RMST: variants seen among roughly 807,000 people sequenced by gnomAD.
The protein encoded by RMST is long intergenic non-protein coding RNA 54.
intron 11 of RMST, among the ~76,000 whole-genome samples, chr12:97,539,667 C>A (rs192648945): frequency 6.6e-6 from 1 of 151,462 alleles, no homozygotes. Context: ...GAGATGCGAA[C>A]GTGTTTTGTG....
chr12:97,468,600 A>G (rs959496675), intron 5 of RMST, among the ~76,000 whole-genome samples: 5 of 152,050 alleles, frequency 3.3e-5, no homozygotes, highest in African/African-American at 1.2e-4. Context: ...ACTGAAGTAT[A>G]CTAGTAGGTT....
intron 10 of RMST, among the ~76,000 whole-genome samples, chr12:97,513,863 A>G (rs1307577509): frequency 6.6e-6 from 1 of 152,148 alleles, no homozygotes; most frequent in Non-Finnish European, 1.5e-5. Flanking sequence ...ATGTCCAGAA[A>G]AGAAAAGGGT....
At chr12:97,464,795 T>A (rs1289048443) in intron 4 of RMST, 2 of 152,202 alleles carry the variant, frequency 1.3e-5, no homozygotes, top group African/African-American at 4.8e-5. Flanking sequence ...TTGATTTATG[T>A]CCAAAATCGT....
intron 10 of RMST, among the ~76,000 whole-genome samples, chr12:97,510,214 T>C (rs1819269162): frequency 6.6e-6 from 1 of 152,224 alleles, no homozygotes; most frequent in South Asian, 2.1e-4. Flanking sequence ...GAAGCAAATG[T>C]AGGATTTTAG....
At chr12:97,512,882 C>T (rs569303721) in intron 10 of RMST, among the ~76,000 whole-genome samples, 2 of 151,902 alleles carry the variant, frequency 1.3e-5, no homozygotes, top group African/African-American at 2.4e-5. Flanking sequence ...CCCACGGAGG[C>T]GAGGGGGAGG....
At chr12:97,508,832 G>A (rs888362339) in intron 10 of RMST, among the ~76,000 whole-genome samples, 2 of 152,156 alleles carry the variant, frequency 1.3e-5, no homozygotes, top group African/African-American at 4.8e-5. Context: ...GTAACGTAGT[G>A]GGGTAGAAAC....
At chr12:97,542,314 G>T (rs1387991448) in intron 11 of RMST, among the ~76,000 whole-genome samples, 1 of 151,772 alleles carries the variant, frequency 6.6e-6, no homozygotes, top group Non-Finnish European at 1.5e-5. Flanking sequence ...CCACTCAAGG[G>T]ATATACAAGT....
At chr12:97,507,258 T>G (rs80031733) in intron 10 of RMST, among the ~76,000 whole-genome samples, 2 of 137,548 alleles carry the variant, frequency 1.5e-5, no homozygotes, top group African/African-American at 6.2e-5. Context: ...GTTGTTATTG[T>G]TTTTTTTTTG....
chr12:97,486,063 T>C (rs543289005), intron 5 of RMST, among the ~76,000 whole-genome samples: 1 of 152,332 alleles, frequency 6.6e-6, no homozygotes, highest in Non-Finnish European at 1.5e-5. Flanking sequence ...TCTACAATAC[T>C]AGCAAGACCA....
At chr12:97,514,784 A>C (rs1428802877) in intron 10 of RMST, among the ~76,000 whole-genome samples, 1 of 152,120 alleles carries the variant, frequency 6.6e-6, no homozygotes, top group African/African-American at 2.4e-5. Context: ...CTTGGGACTT[A>C]TAAAAGGGAA....
chr12:97,529,535 T>A (rs1414739557), intron 10 of RMST, among the ~76,000 whole-genome samples: 4 of 152,090 alleles, frequency 2.6e-5, no homozygotes, highest in South Asian at 2.1e-4. Flanking sequence ...AATTTATTGA[T>A]AAATATAACT....
intron 13 of RMST, among the ~76,000 whole-genome samples, chr12:97,562,341 GA>G (rs1485070226): frequency 1.3e-5 from 2 of 152,186 alleles, no homozygotes; most frequent in African/African-American, 4.8e-5. Flanking sequence ...TGGAGAAAGG[GA>G]AAGTGTTGAG....
rs559661568 is a variant in RMST, at chr12:97,509,527, A to G, written n.1340+13471A>G. ...GACAAACAGCCTGCCTTGTAGGGGA[A>G]GTCACCTTATAATAAAATTCCCTTA... On this transcript the variant is annotated intron_variant and non_coding_transcript_variant, in intron 10 of 13. Transcript: ENST00000640149. Among the ~76,000 whole-genome samples the G allele has an allele frequency of 6.8e-4, 104 of 152,286 alleles. 1 individual carries two copies. Among genetic ancestry groups the G allele is most frequent in the African/African-American group, 2.0e-3 (85 of 41,552 alleles).
At chr12:97,476,605 G>C (rs1874578267) in intron 5 of RMST, among the ~76,000 whole-genome samples, 1 of 152,170 alleles carries the variant, frequency 6.6e-6, no homozygotes, top group South Asian at 2.1e-4. Context: ...AGCTGATAGA[G>C]CCGAGCTATG....
intron 10 of RMST, among the ~76,000 whole-genome samples, chr12:97,512,946 A>T (rs1879548086): frequency 6.6e-6 from 1 of 152,208 alleles, no homozygotes; most frequent in Non-Finnish European, 1.5e-5. Flanking sequence ...AAGGCAGCTA[A>T]GGCCAGGTGA....
intron 10 of RMST, among the ~76,000 whole-genome samples, chr12:97,506,226 A>G (rs1458413969): frequency 6.6e-6 from 1 of 152,200 alleles, no homozygotes; most frequent in African/African-American, 2.4e-5. Flanking sequence ...AATTTATAAC[A>G]TAATTAAAAC....
rs189109361 is a variant in RMST, at chr12:97,530,985, A to G, written n.1545+126A>G. On this transcript the variant is annotated intron_variant and non_coding_transcript_variant, in intron 11 of 13. Coordinates refer to ENST00000640149, the Ensembl canonical transcript of RMST. ...AAAAAGATCCGTATGCTTTTCGGGC[A>G]TTTATAGCATATTCTCTGAAAGCTT... The G allele has an allele frequency of 5.6e-5, 8 of 144,044 alleles. No homozygotes were observed. The East Asian group carries it at 1.6e-3, about 29-fold the overall frequency. The allele number at this position is 144,044 out of a possible 1,614,324, so 8.9% of individuals were successfully genotyped here. A position where few individuals can be genotyped will look rare whatever the true frequency, so the allele number is the denominator to read the frequency against.
chr12:97,559,732 C>A (rs1325574295), intron 11 of RMST, among the ~76,000 whole-genome samples: 1 of 152,178 alleles, frequency 6.6e-6, no homozygotes, highest in Non-Finnish European at 1.5e-5. Context: ...AGTGTTTCCT[C>A]TTCTGTTTTA....
Position 97,513,474 on chromosome 12 carries a change from G to C in RMST, n.1341-17181G>C, listed in dbSNP as rs367563507. 2.2e-4 allele frequency among the ~76,000 whole-genome samples: 33 copies of C among 152,266 alleles called. No homozygotes were observed. The Middle Eastern group carries it at 0.01, about 47-fold the overall frequency. On this transcript the variant is annotated intron_variant and non_coding_transcript_variant, in intron 10 of 13. Coordinates refer to ENST00000640149, the Ensembl canonical transcript of RMST. ...TTATTGAGTAGAGTGCCTACTATGTGCTCGATGTTGAAGATGGAGAGGGAG... is the reference window on the plus strand; with the variant it reads ...TTATTGAGTAGAGTGCCTACTATGTCCTCGATGTTGAAGATGGAGAGGGAG...
Sources: allele counts gnomAD v4.1 joint callset (sites outside exome capture counted in the v4.1 genomes callset), GRCh38; gene constraint gnomAD v4.1.1; transcripts MANE v1.5; gene names NCBI Gene and HGNC (gene_info 2026-07-23, HGNC 2026-07-21).